The following GALNTL6 variants were observed in gnomAD, a reference collection of about 807,000 sequenced individuals.
GALNTL6 encodes polypeptide N-acetylgalactosaminyltransferase-like 6.
A neutral mutation model predicts 73.7 loss-of-function variants in GALNTL6; 46 were observed. The ratio of observed to expected loss-of-function variants is 0.62; its 90% CI spans 0.49 to 0.80. The LOEUF is 0.80. Among genes scored for constraint, GALNTL6 ranks in the 30% least tolerant of loss-of-function variants. The pLI is 0.00. For synonymous variants in GALNTL6, 259 were observed against 263.7 expected (o/e 0.98, Z 0.17); for missense variants, 604 against 755.0 (o/e 0.80, Z 2.34).
chr4:172,982,852 A>G (rs1368827961), intron 10 of GALNTL6, among the ~76,000 whole-genome samples: 1 of 152,212 alleles, frequency 6.6e-6, no homozygotes, highest in Non-Finnish European at 1.5e-5. Context: ...TATAAATCCA[A>G]TGAAAAGAGT....
At chr4:172,854,629 T>C (rs1744028891) in intron 7 of GALNTL6, among the ~76,000 whole-genome samples, 1 of 152,166 alleles carries the variant, frequency 6.6e-6, no homozygotes, top group Non-Finnish European at 1.5e-5. Flanking sequence ...AGAATGTCTT[T>C]CCCCATTCTA....
intron 2 of GALNTL6, among the ~76,000 whole-genome samples, chr4:172,174,158 G>T (rs1338984977): frequency 6.6e-6 from 1 of 152,128 alleles, no homozygotes; most frequent in Non-Finnish European, 1.5e-5. Flanking sequence ...GAGAAAGAAT[G>T]GTAGCTTGAA....
intron 12 of GALNTL6, among the ~76,000 whole-genome samples, chr4:173,038,463 CAG>C (rs781442456): frequency 3.9e-5 from 6 of 152,180 alleles, no homozygotes; most frequent in Non-Finnish European, 5.9e-5. Flanking sequence ...GAGAGTTTCT[CAG>C]AGTCTTTCCC....
intron 2 of GALNTL6, among the ~76,000 whole-genome samples, chr4:171,818,546 C>G (rs373927699): frequency 6.8e-6 from 1 of 147,682 alleles, no homozygotes; most frequent in East Asian, 2.0e-4. Context: ...ATTTTAGAAG[C>G]TTATATTGTC....
At chr4:172,961,542 A>G (rs928074605) in intron 10 of GALNTL6, among the ~76,000 whole-genome samples, 4 of 152,204 alleles carry the variant, frequency 2.6e-5, no homozygotes, top group Admixed American at 2.6e-4. Context: ...GTGATTACAC[A>G]CTAAGGGAAG....
At chr4:172,599,986 A>C (rs188142481) in intron 5 of GALNTL6, among the ~76,000 whole-genome samples, 1 of 152,180 alleles carries the variant, frequency 6.6e-6, no homozygotes, top group African/African-American at 2.4e-5. Flanking sequence ...ATACTGGGTA[A>C]CACAATGCAA....
At chr4:172,769,615 A>C (rs1267060336) in intron 5 of GALNTL6, among the ~76,000 whole-genome samples, 1 of 152,232 alleles carries the variant, frequency 6.6e-6, no homozygotes, top group Non-Finnish European at 1.5e-5. Context: ...AGAGCTAGAG[A>C]TAGAGATCTG....
Position 172,845,047 on chromosome 4 carries a change from C to T in GALNTL6, c.923+31324C>T, listed in dbSNP as rs140299991. ...TGGCCAACATGGTGAAACCCCATCT[C>T]TACTAAAAACAAAAACAAAAATTAG... On this transcript the variant is annotated intron_variant, in intron 7 of 12. Coordinates refer to ENST00000506823, the MANE Select transcript of GALNTL6 (RefSeq NM_001034845.3). Among the ~76,000 whole-genome samples the T allele has an allele frequency of 1.4e-4, 22 of 151,930 alleles. No homozygotes were observed. The East Asian group carries it at 4.3e-3, about 29-fold the overall frequency.
rs535736655 is a variant in GALNTL6, at chr4:172,128,040, G to T, written c.139-101616G>T. Among the ~76,000 whole-genome samples, 16 of 152,104 alleles carry T rather than the reference G, an allele frequency of 1.1e-4. No individual in the cohort carries two copies. The South Asian group carries it at 2.9e-3, about 28-fold the overall frequency. ...GAATCGCTTGAACTTGGGGGTGAAG[G>T]TTGCAGTGCACCGAGATGGTGCCAT... On this transcript the variant is annotated intron_variant, in intron 2 of 12. Coordinates refer to ENST00000506823, the MANE Select transcript of GALNTL6 (RefSeq NM_001034845.3).
chr4:172,403,210 T>C (rs184592272), intron 5 of GALNTL6, among the ~76,000 whole-genome samples: 2 of 152,152 alleles, frequency 1.3e-5, no homozygotes, highest in Admixed American at 1.3e-4. Flanking sequence ...ACTTCCTCTT[T>C]ACCTCAAAGC....
chr4:172,476,680 C>T (rs573645849), intron 5 of GALNTL6, among the ~76,000 whole-genome samples: 20 of 152,092 alleles, frequency 1.3e-4, no homozygotes, highest in Non-Finnish European at 2.1e-4. Flanking sequence ...GAATTTGATA[C>T]CTTAAACATA....
chr4:172,431,536 T>G (rs1217712611), intron 5 of GALNTL6, among the ~76,000 whole-genome samples: 1 of 152,114 alleles, frequency 6.6e-6, no homozygotes, highest in Non-Finnish European at 1.5e-5. Flanking sequence ...ATAAGTGCCA[T>G]GTAAGAATGT....
chr4:172,774,001 C>T (rs1169334903), intron 5 of GALNTL6, among the ~76,000 whole-genome samples: 2 of 152,056 alleles, frequency 1.3e-5, no homozygotes, highest in Admixed American at 1.3e-4. Flanking sequence ...GGCCTGAACA[C>T]TTTAGTTAAT....
chr4:172,243,702 T>A (rs1737528426), intron 3 of GALNTL6, among the ~76,000 whole-genome samples: 1 of 152,144 alleles, frequency 6.6e-6, no homozygotes, highest in South Asian at 2.1e-4. Flanking sequence ...ATTCGAGAAG[T>A]GGGAATTTAC....
At chr4:173,016,429 G>A (rs143393934) in intron 11 of GALNTL6, among the ~76,000 whole-genome samples, 1 of 152,362 alleles carries the variant, frequency 6.6e-6, no homozygotes, top group African/African-American at 2.4e-5. Context: ...CACAGGGGCA[G>A]AGCTGTCCAA....
At chr4:172,183,028 T>A (rs1048490761) in intron 2 of GALNTL6, among the ~76,000 whole-genome samples, 1 of 152,182 alleles carries the variant, frequency 6.6e-6, no homozygotes. Flanking sequence ...TGCTGATAGA[T>A]GAAAACCTGA....
intron 7 of GALNTL6, among the ~76,000 whole-genome samples, chr4:172,859,105 C>T (rs1454306850): frequency 6.7e-6 from 1 of 149,832 alleles, no homozygotes; most frequent in African/African-American, 2.4e-5. Context: ...ATATTAACTA[C>T]AATTTATTCA....
At chr4:172,622,615 G>A (rs1024345997) in intron 5 of GALNTL6, among the ~76,000 whole-genome samples, 1 of 152,104 alleles carries the variant, frequency 6.6e-6, no homozygotes, top group Non-Finnish European at 1.5e-5. Context: ...AAATCTGCTA[G>A]ATAATATGCT....
intron 5 of GALNTL6, among the ~76,000 whole-genome samples, chr4:172,735,643 G>A (rs1028303033): frequency 3.9e-5 from 6 of 152,116 alleles, no homozygotes; most frequent in Non-Finnish European, 7.3e-5. Context: ...GGCCCAGGGT[G>A]GAATGATATG....
Sources: allele counts gnomAD v4.1 joint callset (sites outside exome capture counted in the v4.1 genomes callset), GRCh38; gene constraint gnomAD v4.1.1; transcripts MANE v1.5; gene names NCBI Gene and HGNC (gene_info 2026-07-23, HGNC 2026-07-21).